The following OPCML variants were observed in gnomAD, a reference collection of about 807,000 sequenced individuals.
OPCML encodes opioid binding protein/cell adhesion molecule like.
A neutral mutation model predicts 37.8 loss-of-function variants in OPCML; 13 were observed. The observed-to-expected ratio is 0.34, with a 90% CI of 0.22 to 0.55. The LOEUF (loss-of-function observed/expected upper bound fraction) is 0.55, where lower values mean the gene tolerates loss of function less well. Among genes scored for constraint, OPCML ranks in the 20% least tolerant of loss-of-function variants. The pLI is 0.91. For missense variants in OPCML, 341 were observed against 435.6 expected, an observed-to-expected ratio of 0.78 and a Z score of 1.93; for synonymous variants, 176 against 168.8, an observed-to-expected ratio of 1.04 and a Z score of -0.33.
chr11:132,612,129 G>A (rs1938685971), intron 3 of OPCML, among the ~76,000 whole-genome samples: 1 of 152,126 alleles, frequency 6.6e-6, no homozygotes, highest in African/African-American at 2.4e-5. Context: ...AAATGATTTG[G>A]GCTGATTTAT....
At chr11:133,209,812 C>T (rs1250598644) in intron 1 of OPCML, among the ~76,000 whole-genome samples, 1 of 152,194 alleles carries the variant, frequency 6.6e-6, no homozygotes, top group Non-Finnish European at 1.5e-5. Context: ...TCCATTAATG[C>T]CCTTGCATCA....
At chr11:132,597,374 T>C (rs2096493984) in intron 3 of OPCML, among the ~76,000 whole-genome samples, 1 of 152,226 alleles carries the variant, frequency 6.6e-6, no homozygotes, top group South Asian at 2.1e-4. Context: ...GTTTAACTTG[T>C]CTCTAAAGGC....
At chr11:133,130,885 A>T (rs1949593177) in intron 1 of OPCML, among the ~76,000 whole-genome samples, 1 of 151,938 alleles carries the variant, frequency 6.6e-6, no homozygotes, top group Non-Finnish European at 1.5e-5. Flanking sequence ...CAATATCCAC[A>T]TGCAAAAAAA....
chr11:133,313,626 A>G, intron 1 of OPCML, among the ~76,000 whole-genome samples: 1 of 152,084 alleles, frequency 6.6e-6, no homozygotes. Flanking sequence ...GGCCCAAGAG[A>G]TACTATAATA....
At chr11:132,788,757 G>C (rs964704895) in intron 2 of OPCML, among the ~76,000 whole-genome samples, 3 of 152,150 alleles carry the variant, frequency 2.0e-5, no homozygotes, top group Non-Finnish European at 4.4e-5. Flanking sequence ...CGTTTGAGTA[G>C]CTTGCCCAAG....
At chr11:133,403,821 A>G (rs1282773942) in intron 1 of OPCML, among the ~76,000 whole-genome samples, 1 of 152,242 alleles carries the variant, frequency 6.6e-6, no homozygotes, top group African/African-American at 2.4e-5. Context: ...GTGTATTCAC[A>G]TTAATGATCT....
intron 2 of OPCML, among the ~76,000 whole-genome samples, chr11:132,695,571 G>T (rs1314057000): frequency 6.6e-6 from 1 of 152,146 alleles, no homozygotes; most frequent in African/African-American, 2.4e-5. Context: ...TCTGTGCTAG[G>T]CTTAGTTGAT....
intron 1 of OPCML, among the ~76,000 whole-genome samples, chr11:133,166,126 C>G (rs1950204875): frequency 6.6e-6 from 1 of 152,122 alleles, no homozygotes. Context: ...GTTCTTTTAA[C>G]CAGCAGTAAC....
rs1170677708 is a variant in OPCML, at chr11:132,751,633, C to A, written c.147-94314G>T. On this transcript the variant is annotated intron_variant, in intron 2 of 7. Coordinates refer to ENST00000524381, the MANE Select transcript of OPCML (RefSeq NM_001012393.5). ...TTCAAGAAATAGGAATTATTAGCCC[C>A]ATTTTCCAAATGAGGAAACTGAAAT... Among the ~76,000 whole-genome samples, 7 of 152,288 alleles carry A rather than the reference C, an allele frequency of 4.6e-5. No homozygotes were observed. The East Asian group carries it at 1.4e-3, about 29-fold the overall frequency.
At chr11:133,437,108 G>A (rs916570953) in intron 1 of OPCML, among the ~76,000 whole-genome samples, 2 of 152,060 alleles carry the variant, frequency 1.3e-5, no homozygotes, top group Non-Finnish European at 2.9e-5. Flanking sequence ...TAATTTATAC[G>A]ACATCTTATT....
intron 1 of OPCML, among the ~76,000 whole-genome samples, chr11:133,391,387 C>T (rs1298175098): frequency 6.6e-6 from 1 of 152,096 alleles, no homozygotes; most frequent in Non-Finnish European, 1.5e-5. Context: ...CCGTGCAGAC[C>T]GATGATATAT....
intron 1 of OPCML, among the ~76,000 whole-genome samples, chr11:133,220,942 C>A (rs575819383): frequency 6.6e-6 from 1 of 152,150 alleles, no homozygotes; most frequent in Non-Finnish European, 1.5e-5. Flanking sequence ...CGAAATTGGA[C>A]GGAACTAATC....
chr11:133,231,097 G>A (rs1292711089), intron 1 of OPCML, among the ~76,000 whole-genome samples: 1 of 152,206 alleles, frequency 6.6e-6, no homozygotes, highest in African/African-American at 2.4e-5. Context: ...AGAATGAGAA[G>A]CAATGCAAGG....
intron 4 of OPCML, among the ~76,000 whole-genome samples, chr11:132,510,698 C>T (rs1250524751): frequency 2.6e-5 from 4 of 152,156 alleles, no homozygotes; most frequent in African/African-American, 9.7e-5. Context: ...TGAGGCTTCC[C>T]CAGCCATGTG....
At chr11:132,781,956 T>TA (rs60530108) in intron 2 of OPCML, among the ~76,000 whole-genome samples, 1,421 of 50,786 alleles carry the variant, frequency 0.028, 6 homozygotes, top group African/African-American at 0.056. Flanking sequence ...ATATATATAT[T>TA]TTTTTTTTTT....
At chr11:132,544,134 C>T (rs1055334985) in intron 3 of OPCML, among the ~76,000 whole-genome samples, 12 of 152,028 alleles carry the variant, frequency 7.9e-5, no homozygotes, top group Non-Finnish European at 1.6e-4. Flanking sequence ...ATTAGTCTAT[C>T]CCTAGATACT....
chr11:132,884,862 CA>C (rs1445323289), intron 2 of OPCML, among the ~76,000 whole-genome samples: 3 of 152,188 alleles, frequency 2.0e-5, no homozygotes, highest in African/African-American at 7.2e-5. Context: ...ATTTGTGACA[CA>C]TCATTTAAAA....
At chr11:132,766,497 A>G (rs1241920717) in intron 2 of OPCML, among the ~76,000 whole-genome samples, 1 of 152,182 alleles carries the variant, frequency 6.6e-6, no homozygotes, top group Non-Finnish European at 1.5e-5. Context: ...ACCTGAGTCC[A>G]GGACATATCA....
intron 1 of OPCML, among the ~76,000 whole-genome samples, chr11:133,450,143 T>A (rs917399445): frequency 1.3e-5 from 2 of 151,812 alleles, no homozygotes; most frequent in Admixed American, 1.3e-4. Context: ...TACAAAGTCT[T>A]CACATCACTG....
Sources: gnomAD v4.1 joint callset for allele counts (sites outside exome capture counted in the v4.1 genomes callset) on GRCh38, gnomAD v4.1.1 for gene constraint, MANE v1.5 for transcripts, NCBI Gene and HGNC (gene_info 2026-07-23, HGNC 2026-07-21) for gene names.